The following MXRA8 variants were observed in gnomAD, a reference collection of about 807,000 sequenced individuals.
MXRA8 encodes the protein matrix remodeling-associated protein 8.
Under a neutral mutation model 51.4 loss-of-function variants are expected in MXRA8, and 44 were observed. The ratio of observed to expected loss-of-function variants is 0.86; its 90% CI spans 0.67 to 1.10. MXRA8 has a LOEUF of 1.10. Among genes scored for constraint, MXRA8 ranks in the 50% least tolerant of loss-of-function variants. The pLI, the probability that MXRA8 is intolerant of heterozygous loss-of-function variation, is 0.00. For synonymous variants in MXRA8, 369 were observed against 293.5 expected (o/e 1.26, Z -2.63); for missense variants, 765 against 638.9 (o/e 1.20, Z -2.13).
Position 1,354,338 on chromosome 1 carries a change from G to C in MXRA8, c.1105+16C>G. On this transcript the variant is annotated intron_variant, in intron 6 of 9. Coordinates refer to ENST00000309212, the MANE Select transcript of MXRA8 (RefSeq NM_032348.4). ...TCAGTCTCCTGGGGCCGCTGGCTTT[G>C]CCGGGGCAGCCTCACCTCCGCGGCG... The C allele has an allele frequency of 6.2e-7, 1 of 1,606,076 alleles. No individual in the cohort carries two copies. Among genetic ancestry groups the C allele is most frequent in the South Asian group, 1.1e-5 (1 of 90,430 alleles).
Position 1,355,100 on chromosome 1 carries a change from C to T in MXRA8, c.531G>A (p.Ala177=). The T allele has an allele frequency of 2.6e-6, 4 of 1,534,032 alleles. No individual in the cohort carries two copies. Among genetic ancestry groups the T allele is most frequent in the Non-Finnish European group, 3.5e-6 (4 of 1,150,582 alleles). ...WDGEKEVLAV[A]RGAPALLTCV... is the part of the protein sequence containing the mutation. ...AGGTCAGAAGCGCGGGTGCGCCGCG[C>T]GCCACCGCCAGCACCTCCTTCTCGC... is the stretch of plus-strand genomic sequence containing the variant. Residue 177 remains alanine (A), a synonymous_variant, in exon 5 of 10, where the codon GCG becomes GCA. Coordinates refer to ENST00000309212, the MANE Select transcript of MXRA8 (RefSeq NM_032348.4).
At chr1:1,362,005 A>C (rs180740348), upstream of MXRA8, among the ~76,000 whole-genome samples, 1 of 152,386 alleles carries the variant, frequency 6.6e-6, no homozygotes, top group Non-Finnish European at 1.5e-5. Flanking sequence ...TATCAAAAAC[A>C]AAAGAAAATG....
upstream of MXRA8, among the ~76,000 whole-genome samples, chr1:1,362,953 G>A (rs1416004372): frequency 6.6e-6 from 1 of 152,054 alleles, no homozygotes; most frequent in Non-Finnish European, 1.5e-5. Flanking sequence ...CGTGGTGGCA[G>A]GTGCCTGTAG....
chr1:1,355,408 C>T, intron 3 of MXRA8, 42 bp downstream of exon 3: 5 of 1,495,968 alleles, frequency 3.3e-6, no homozygotes, highest in Non-Finnish European at 4.4e-6. Flanking sequence ...CGGCCCCGGA[C>T]CCCTGCCCCG....
At chr1:1,361,381 C>T, upstream of MXRA8, 1 of 698,962 alleles carries the variant, frequency 1.4e-6, no homozygotes, top group Non-Finnish European at 2.6e-6. Flanking sequence ...CCATGGCCCT[C>T]TTGGACCCCA....
At chr1:1,359,002 G>A (rs61766232), upstream of MXRA8, 46,535 of 985,426 alleles carry the variant, frequency 0.047, 1,215 homozygotes, top group Non-Finnish European at 0.053. Flanking sequence ...CACGGTGCAC[G>A]CTGGTGCTCT....
upstream of MXRA8, chr1:1,358,964 G>A (rs1644185169): frequency 1.0e-6 from 1 of 985,256 alleles, no homozygotes; most frequent in Non-Finnish European, 1.2e-6. Flanking sequence ...CCCCAGAAAG[G>A]CCTCCCAGCG....
Position 1,354,746 on chromosome 1 carries a change from G to A in MXRA8, c.885C>T (p.His295=). 2 of 1,610,504 alleles carry A rather than the reference G, an allele frequency of 1.2e-6. No individual in the cohort carries two copies. Among genetic ancestry groups the A allele is most frequent in the Non-Finnish European group, 1.7e-6 (2 of 1,179,024 alleles). Residue 295 remains histidine (H), a synonymous_variant, in exon 5 of 10, where the codon CAC becomes CAT. Transcript: ENST00000309212. ...RVFHLTVAEP[H]AEPPPRGSPG... ...GAGAGCCCCGGGGGGGCGGCTCCGC[G>A]TGGGGTTCGGCGACCGTCAGGTGGA...
chr1:1,355,802 C>G, intron 2 of MXRA8, 50 bp from the exon 3 acceptor site: 1 of 314,640 alleles, frequency 3.2e-6, no homozygotes, highest in Non-Finnish European at 4.3e-6. Context: ...CCCTAGGGCC[C>G]TGGTTGGGGG....
In MXRA8 at chr1:1,353,456, G is replaced by C. The variant is rs1333127918; in HGVS notation, c.*148C>G. On this transcript the variant is annotated 3_prime_UTR_variant, in exon 10 of 10. Transcript: ENST00000309212. ...CAAGCCCCTGGGAGAGGGGTGTGGA[G>C]GCGGCCTCTGCATACGCCCAGGCCA... is the stretch of plus-strand genomic sequence containing the variant. The C allele has an allele frequency of 6.6e-7, 1 of 1,503,958 alleles. No homozygotes were observed. The highest frequency in any genetic ancestry group is 8.9e-7 in the Non-Finnish European group (1 of 1,123,448). 93.2% of individuals were successfully genotyped at this position (1,503,958 alleles called of 1,614,324 possible).
chr1:1,354,153 G>A, intron 7 of MXRA8, 40 bp downstream of exon 7: 1 of 1,612,800 alleles, frequency 6.2e-7, no homozygotes. Context: ...GGGGTGAAGG[G>A]GGCCCTGGTC....
upstream of MXRA8, chr1:1,361,129 A>C: frequency 1.4e-6 from 1 of 698,624 alleles, no homozygotes; most frequent in Non-Finnish European, 2.6e-6. Context: ...ACATGAAGAC[A>C]CACGGACACA....
At chr1:1,357,617 G>A (rs1644158546) in intron 1 of MXRA8, among the ~76,000 whole-genome samples, 2 of 152,154 alleles carry the variant, frequency 1.3e-5, no homozygotes, top group South Asian at 4.1e-4. Flanking sequence ...GACCAGCCTG[G>A]CCAATATGAA....
At chr1:1,362,188 G>A (rs569118659), upstream of MXRA8, among the ~76,000 whole-genome samples, 197 of 152,180 alleles carry the variant, frequency 1.3e-3, 1 homozygote, top group Middle Eastern at 0.014. Context: ...ATCGGTTGTC[G>A]GAAGGCCCGG....
intron 6 of MXRA8, 49 bp from the exon 7 acceptor site, chr1:1,354,281 C>T (rs1275979758): frequency 5.0e-6 from 8 of 1,602,510 alleles, no homozygotes; most frequent in Non-Finnish European, 6.8e-6. Context: ...TCCGCAGGTC[C>T]CCCAGCCCAG....
upstream of MXRA8, chr1:1,359,066 G>A (rs374515474): frequency 2.0e-6 from 2 of 985,336 alleles, no homozygotes; most frequent in South Asian, 4.7e-5. Context: ...CATGACCTTG[G>A]TACCCGTCTC....
In MXRA8 at chr1:1,353,206, C is replaced by A. The variant is rs537952484; in HGVS notation, c.*398G>T. The A allele has an allele frequency of 1.3e-5, 17 of 1,262,774 alleles. No homozygotes were observed. The highest frequency in any genetic ancestry group is 6.5e-5 in the South Asian group (5 of 77,248). The allele number at this position is 1,262,774 out of a possible 1,614,324, so 78.2% of individuals were successfully genotyped here. ...TCCAGGAACATCTCCCAGCCCCCGA[C>A]GAGCAGAGCCCTGGAGGAGTGGGAC... On this transcript the variant is annotated 3_prime_UTR_variant, in exon 10 of 10. Transcript: ENST00000309212.
In MXRA8 at chr1:1,354,104, T is replaced by A. The variant is rs1318156636; in HGVS notation, c.1148A>T (p.Lys383Met). The change falls in exon 8 of 10, where the codon AAG becomes ATG. Residue 383 changes from lysine (K) to methionine (M), a missense_variant and splice_region_variant. By Grantham distance (95) the Lys-to-Met change is moderately conservative. Coordinates refer to ENST00000309212, the MANE Select transcript of MXRA8 (RefSeq NM_032348.4). ...AGCGAACTCCGCCAAGTTAACATCC[T>A]TCCTGGATGGCGAGGGTGGGAGGAG... ...SDQKSGKSKG[K>M]DVNLAEFAVA... is the part of the protein sequence containing the mutation. The A allele has an allele frequency of 6.2e-7, 1 of 1,612,962 alleles. No homozygotes were observed. The highest frequency in any genetic ancestry group is 1.7e-5 in the Admixed American group (1 of 60,030).
upstream of MXRA8, among the ~76,000 whole-genome samples, chr1:1,362,181 G>A (rs961769586): frequency 1.2e-4 from 19 of 152,092 alleles, no homozygotes; most frequent in Admixed American, 1.2e-3. Flanking sequence ...ATCCCAGATC[G>A]GTTGTCGGAA....
Sources: allele counts gnomAD v4.1 joint callset (sites outside exome capture counted in the v4.1 genomes callset), GRCh38; gene constraint gnomAD v4.1.1; transcripts MANE v1.5; gene names NCBI Gene and HGNC (gene_info 2026-07-23, HGNC 2026-07-21).